Variants in PPHLN1 observed in about 807,000 individuals in gnomAD.
PPHLN1 encodes periphilin-1.
In PPHLN1, 29 loss-of-function variants were observed where a neutral mutation model predicts 51.3. The ratio of observed to expected loss-of-function variants is 0.57; its 90% CI spans 0.42 to 0.77. PPHLN1 has a LOEUF of 0.77. PPHLN1 is among the 30% of genes least tolerant of loss of function. The probability of loss-of-function intolerance (pLI) is 0.00; values close to 1 mark genes in which losing one functional copy is unlikely to be tolerated. For synonymous variants in PPHLN1, 147 were observed against 147.8 expected, an observed-to-expected ratio of 0.99 and a Z score of 0.04; for missense variants, 436 against 438.4, an observed-to-expected ratio of 0.99 and a Z score of 0.05.
intron 9 of PPHLN1, among the ~76,000 whole-genome samples, chr12:42,440,727 G>A (rs146882301): frequency 3.2e-3 from 489 of 152,250 alleles, no homozygotes; most frequent in African/African-American, 0.01. Flanking sequence ...ACAGACACGC[G>A]CCACCGCGCC....
At chr12:42,372,576 CTG>C (rs1168904145) in intron 4 of PPHLN1, among the ~76,000 whole-genome samples, 3 of 152,164 alleles carry the variant, frequency 2.0e-5, no homozygotes, top group Non-Finnish European at 4.4e-5. Flanking sequence ...TAATGTTTCT[CTG>C]TTCTCCCATT....
chr12:42,421,855 T>G (rs1454302112), intron 9 of PPHLN1, among the ~76,000 whole-genome samples: 2 of 141,832 alleles, frequency 1.4e-5, no homozygotes, highest in Admixed American at 7.0e-5. Context: ...AAGGTTGGAG[T>G]TTTTTTTTTT....
intron 4 of PPHLN1, 77 bp from the exon 5 acceptor site, chr12:42,374,786 C>G: frequency 1.6e-6 from 2 of 1,225,348 alleles, no homozygotes; most frequent in Non-Finnish European, 2.3e-6. Context: ...AGCTTATAAG[C>G]AGAGCTTTTG....
chr12:42,398,325 G>A (rs1394175291), intron 8 of PPHLN1, among the ~76,000 whole-genome samples: 2 of 152,088 alleles, frequency 1.3e-5, no homozygotes, highest in East Asian at 1.9e-4. Context: ...TAAAAATACA[G>A]CCTTTTCTCA....
At chr12:42,381,887 G>A (rs1222021500) in intron 5 of PPHLN1, among the ~76,000 whole-genome samples, 1 of 152,150 alleles carries the variant, frequency 6.6e-6, no homozygotes. Context: ...GTTTCTTGAT[G>A]AGACTTGCAC....
At chr12:42,435,533 A>G (rs1378401683) in intron 9 of PPHLN1, among the ~76,000 whole-genome samples, 1 of 152,206 alleles carries the variant, frequency 6.6e-6, no homozygotes, top group Non-Finnish European at 1.5e-5. Flanking sequence ...CTATAGACCA[A>G]AATTAAAGGG....
chr12:42,381,062 T>C (rs947046337), intron 5 of PPHLN1, among the ~76,000 whole-genome samples: 1 of 152,194 alleles, frequency 6.6e-6, no homozygotes. Flanking sequence ...AGAAGGTTTA[T>C]GGGGATGAGT....
At chr12:42,422,114 T>C (rs1369882106) in intron 9 of PPHLN1, among the ~76,000 whole-genome samples, 2 of 152,208 alleles carry the variant, frequency 1.3e-5, no homozygotes, top group Non-Finnish European at 2.9e-5. Flanking sequence ...TAAAGGCATG[T>C]AATCATCCCT....
At chr12:42,403,903 A>T (rs1352450621) in intron 9 of PPHLN1, among the ~76,000 whole-genome samples, 1 of 152,146 alleles carries the variant, frequency 6.6e-6, no homozygotes, top group Non-Finnish European at 1.5e-5. Context: ...TTACTGTCCC[A>T]TGCTACTCAA....
At chr12:42,396,865 C>CAA (rs374413083) in intron 8 of PPHLN1, among the ~76,000 whole-genome samples, 7 of 94,292 alleles carry the variant, frequency 7.4e-5, no homozygotes, top group African/African-American at 2.8e-4. Flanking sequence ...CCCATCTGTA[C>CAA]AAAAAAAAAA....
chr12:42,388,366 G>A (rs1461987008), intron 7 of PPHLN1, among the ~76,000 whole-genome samples: 1 of 152,122 alleles, frequency 6.6e-6, no homozygotes, highest in African/African-American at 2.4e-5. Flanking sequence ...TGTTTGGGCG[G>A]AGAGAAACAT....
chr12:42,329,712 CTGTTA>C (rs1408502888), intron 1 of PPHLN1: 2 of 152,052 alleles, frequency 1.3e-5, no homozygotes, highest in African/African-American at 4.8e-5. Flanking sequence ...ATTGGGGGAT[CTGTTA>C]TAAGTGACAT....
chr12:42,409,024 C>CAA (rs980338504), intron 9 of PPHLN1, among the ~76,000 whole-genome samples: 1 of 152,056 alleles, frequency 6.6e-6, no homozygotes, highest in African/African-American at 2.4e-5. Context: ...AAGAGATTAA[C>CAA]AACAATAAGT....
chr12:42,448,143 A>G (rs1265895962), downstream of PPHLN1: 1 of 152,460 alleles, frequency 6.6e-6, no homozygotes, highest in Non-Finnish European at 1.5e-5. Context: ...ACAAGTTTAA[A>G]AACAAAACTT....
At chr12:42,386,073 T>C (rs1333360297) in intron 6 of PPHLN1, among the ~76,000 whole-genome samples, 1 of 152,252 alleles carries the variant, frequency 6.6e-6, no homozygotes, top group African/African-American at 2.4e-5. Context: ...ACTCTAGGGC[T>C]GTATCGTTCT....
intron 5 of PPHLN1, among the ~76,000 whole-genome samples, chr12:42,384,170 CATG>C (rs1186488052): frequency 6.6e-6 from 1 of 151,656 alleles, no homozygotes; most frequent in Non-Finnish European, 1.5e-5. Context: ...GCAATATTTT[CATG>C]ATGTTTCTTG....
chr12:42,337,833 G>C (rs936578092), intron 2 of PPHLN1, among the ~76,000 whole-genome samples: 5 of 150,754 alleles, frequency 3.3e-5, no homozygotes, highest in African/African-American at 1.2e-4. Flanking sequence ...GCCCAGGCTG[G>C]AGTGCAGCGG....
At chr12:42,343,532 A>G (rs1188881666) in intron 2 of PPHLN1, among the ~76,000 whole-genome samples, 2 of 152,218 alleles carry the variant, frequency 1.3e-5, no homozygotes, top group Non-Finnish European at 2.9e-5. Flanking sequence ...TGTGGACAAC[A>G]GTATCCTTCC....
Position 42,374,862 on chromosome 12 carries a change from G to C in PPHLN1, c.300-1G>C. The C allele has an allele frequency of 6.6e-7, 1 of 1,503,938 alleles. No homozygotes were observed. The highest frequency in any genetic ancestry group is 9.0e-7 in the Non-Finnish European group (1 of 1,106,058). The allele number at this position is 1,503,938 out of a possible 1,614,324, so 93.2% of individuals were successfully genotyped here. A position where few individuals can be genotyped will look rare whatever the true frequency, so the allele number is the denominator to read the frequency against. On this transcript the variant is annotated splice_acceptor_variant, in intron 4 of 9. Transcript: ENST00000358314. LOFTEE classifies it high-confidence loss of function. ...ATTTTATGTTTTTTTTTTTTTCAAA[G>C]GGACATGAGAGATGGCTTTAGAAGA...
Sources: gnomAD v4.1 joint callset for allele counts (sites outside exome capture counted in the v4.1 genomes callset) on GRCh38, gnomAD v4.1.1 for gene constraint, MANE v1.5 for transcripts, NCBI Gene and HGNC (gene_info 2026-07-23, HGNC 2026-07-21) for gene names.